DNAJC1: variants seen among roughly 807,000 people sequenced by gnomAD.
DNAJC1 encodes dnaJ homolog subfamily C member 1.
DNAJC1 carries 58 observed loss-of-function variants against 76.6 expected under a neutral mutation model. That is an observed-to-expected ratio of 0.76 (90% CI 0.61 to 0.94). DNAJC1 has a LOEUF of 0.94. Ranked by LOEUF, DNAJC1 falls within the 40% of genes least tolerant of loss-of-function variation. The pLI, the probability that DNAJC1 is intolerant of heterozygous loss-of-function variation, is 0.00. For synonymous variants in DNAJC1, 258 were observed against 267.9 expected (o/e 0.96, Z 0.36); for missense variants, 689 against 677.3 (o/e 1.02, Z -0.19).
At chr10:21,845,589 G>A (rs1338854492) in intron 8 of DNAJC1, among the ~76,000 whole-genome samples, 6 of 151,834 alleles carry the variant, frequency 4.0e-5, no homozygotes, top group South Asian at 2.1e-4. Flanking sequence ...TCTTGACCTC[G>A]GCCTCCCAAA....
intron 1 of DNAJC1, among the ~76,000 whole-genome samples, chr10:21,966,813 G>A (rs1356983745): frequency 6.6e-6 from 1 of 151,390 alleles, no homozygotes; most frequent in Admixed American, 6.6e-5. Flanking sequence ...AGCCTCCCGA[G>A]TAGCTGGGAT....
At chr10:21,880,029 A>T (rs1253436695) in intron 8 of DNAJC1, among the ~76,000 whole-genome samples, 1 of 152,184 alleles carries the variant, frequency 6.6e-6, no homozygotes, top group African/African-American at 2.4e-5. Flanking sequence ...AATATTCTCA[A>T]TCCTTTGTTG....
At chr10:21,913,877 C>T (rs952444368) in intron 6 of DNAJC1, among the ~76,000 whole-genome samples, 1 of 152,170 alleles carries the variant, frequency 6.6e-6, no homozygotes, top group East Asian at 1.9e-4. Flanking sequence ...TATATACTAA[C>T]TCATACCCAC....
chr10:21,962,926 G>T (rs889401555), intron 1 of DNAJC1, among the ~76,000 whole-genome samples: 2 of 151,940 alleles, frequency 1.3e-5, no homozygotes, highest in Non-Finnish European at 1.5e-5. Flanking sequence ...CTGTTTTCTT[G>T]TTTTAAAATA....
chr10:21,765,989 C>T (rs560220708), intron 10 of DNAJC1, among the ~76,000 whole-genome samples: 56 of 152,320 alleles, frequency 3.7e-4, no homozygotes, highest in Non-Finnish European at 5.0e-4. Context: ...GGGCTTTCTC[C>T]TGTGTTCCCC....
chr10:21,860,418 C>T (rs1000427447), intron 8 of DNAJC1, among the ~76,000 whole-genome samples: 4 of 151,998 alleles, frequency 2.6e-5, no homozygotes, highest in Non-Finnish European at 5.9e-5. Flanking sequence ...TCAGGATGGA[C>T]GCGGTGGCTC....
chr10:21,892,297 C>T (rs1836473910), intron 7 of DNAJC1, among the ~76,000 whole-genome samples: 1 of 151,078 alleles, frequency 6.6e-6, no homozygotes, highest in African/African-American at 2.4e-5. Context: ...AGACTTAAGC[C>T]CTAACATATC....
chr10:21,811,901 G>A (rs1439235483), intron 8 of DNAJC1, among the ~76,000 whole-genome samples: 1 of 152,098 alleles, frequency 6.6e-6, no homozygotes, highest in Non-Finnish European at 1.5e-5. Context: ...TTTCCAAAGA[G>A]GTGCTATTTT....
chr10:21,940,821 T>C (rs1261724516), intron 1 of DNAJC1, among the ~76,000 whole-genome samples: 3 of 152,116 alleles, frequency 2.0e-5, no homozygotes, highest in African/African-American at 7.2e-5. Context: ...AAAATCATCA[T>C]TTCTATAATC....
intron 8 of DNAJC1, among the ~76,000 whole-genome samples, chr10:21,815,902 T>A (rs1047217209): frequency 2.6e-5 from 4 of 151,406 alleles, no homozygotes; most frequent in African/African-American, 2.4e-5. Flanking sequence ...CGCCACCACG[T>A]CTGGCTAATT....
intron 8 of DNAJC1, among the ~76,000 whole-genome samples, chr10:21,845,082 G>A (rs921574824): frequency 4.6e-5 from 7 of 152,068 alleles, no homozygotes; most frequent in South Asian, 2.1e-4. Flanking sequence ...ATTTCCCTAC[G>A]GTGGAGAGAT....
chr10:22,002,996 C>A (rs1838546929), intron 1 of DNAJC1, among the ~76,000 whole-genome samples: 1 of 152,190 alleles, frequency 6.6e-6, no homozygotes, highest in Admixed American at 6.5e-5. Context: ...CAGCCTGTCA[C>A]TGGGGCTGGG....
At chr10:21,879,323 C>T (rs1044232483) in intron 8 of DNAJC1, among the ~76,000 whole-genome samples, 1 of 152,100 alleles carries the variant, frequency 6.6e-6, no homozygotes, top group Non-Finnish European at 1.5e-5. Context: ...TTTCCCAGTA[C>T]ATATAAAAGT....
At chr10:21,877,352 G>C (rs1012403723) in intron 8 of DNAJC1, among the ~76,000 whole-genome samples, 1 of 151,622 alleles carries the variant, frequency 6.6e-6, no homozygotes, top group African/African-American at 2.4e-5. Flanking sequence ...AAGGCAGACT[G>C]ATTAATATAA....
chr10:21,817,102 G>A (rs563164416), intron 8 of DNAJC1, among the ~76,000 whole-genome samples: 3 of 141,194 alleles, frequency 2.1e-5, no homozygotes, highest in African/African-American at 7.8e-5. Flanking sequence ...GGAGCTTGCA[G>A]TGAGCTGAGA....
At chr10:21,877,337 A>T (rs1290481697) in intron 8 of DNAJC1, among the ~76,000 whole-genome samples, 1 of 151,810 alleles carries the variant, frequency 6.6e-6, no homozygotes, top group East Asian at 1.9e-4. Flanking sequence ...ACACCAAATA[A>T]GGAAAAGGCA....
intron 7 of DNAJC1, among the ~76,000 whole-genome samples, chr10:21,888,416 C>T (rs1476726040): frequency 6.6e-6 from 1 of 152,088 alleles, no homozygotes; most frequent in Non-Finnish European, 1.5e-5. Flanking sequence ...AATCATTCTA[C>T]CGTAAAGACA....
intron 8 of DNAJC1, among the ~76,000 whole-genome samples, chr10:21,847,745 A>G (rs1316726132): frequency 1.4e-4 from 21 of 152,118 alleles, no homozygotes; most frequent in Non-Finnish European, 4.4e-5. Context: ...AGTTCCATCT[A>G]TGTTGCTGCT....
At chr10:21,922,849 T>A (rs1040308597) in intron 3 of DNAJC1, among the ~76,000 whole-genome samples, 7 of 151,974 alleles carry the variant, frequency 4.6e-5, no homozygotes, top group African/African-American at 1.7e-4. Context: ...TCCCATGAAA[T>A]AACTTCAGGT....
Sources: gnomAD v4.1 joint callset for allele counts (sites outside exome capture counted in the v4.1 genomes callset) on GRCh38, gnomAD v4.1.1 for gene constraint, MANE v1.5 for transcripts, NCBI Gene and HGNC (gene_info 2026-07-23, HGNC 2026-07-21) for gene names.